The following TRDN variants were observed in gnomAD, a reference collection of about 807,000 sequenced individuals.
TRDN encodes triadin, also known as triadin in skeletal muscle.
A neutral mutation model predicts 149.7 loss-of-function variants in TRDN; 161 were observed. That is an observed-to-expected ratio of 1.08 (90% CI 0.95 to 1.23). The LOEUF is 1.23. TRDN is among the 50% of genes most tolerant of loss of function. The pLI is 0.00. For missense variants in TRDN, 896 were observed against 823.5 expected (o/e 1.09, Z -1.08); for synonymous variants, 294 against 250.5 (o/e 1.17, Z -1.64).
chr6:123,562,191 AT>A (rs1263985205), intron 2 of TRDN, among the ~76,000 whole-genome samples: 1 of 151,444 alleles, frequency 6.6e-6, no homozygotes, highest in African/African-American at 2.4e-5. Flanking sequence ...TTTGACTGTA[AT>A]TTTCCTTTAC....
Position 123,438,046 on chromosome 6 carries a change from C to T in TRDN, c.1051+17G>A. 6.3e-7 allele frequency: 1 copy of T among 1,592,624 alleles called. No individual in the cohort carries two copies. Among genetic ancestry groups the T allele is most frequent in the Non-Finnish European group, 8.6e-7 (1 of 1,167,854 alleles). On this transcript the variant is annotated intron_variant, in intron 12 of 40. Transcript: ENST00000334268. ...CCTGAACGTAATCCATCTAAGGAAA[C>T]AAAGAAAGTGCAATACCTTTTTTTT...
chr6:123,419,418 C>A (rs187271708), intron 12 of TRDN, among the ~76,000 whole-genome samples: 6 of 152,240 alleles, frequency 3.9e-5, no homozygotes, highest in South Asian at 4.1e-4. Flanking sequence ...ACTCTGGCAC[C>A]TAGGCTGGAG....
intron 1 of TRDN, among the ~76,000 whole-genome samples, chr6:123,626,236 C>T (rs764426311): frequency 5.3e-5 from 8 of 152,070 alleles, no homozygotes; most frequent in African/African-American, 9.7e-5. Context: ...AATCCCAGCA[C>T]GTTGGGAGGC....
chr6:123,534,945 T>C (rs1780449171), intron 4 of TRDN, among the ~76,000 whole-genome samples: 1 of 152,148 alleles, frequency 6.6e-6, no homozygotes, highest in South Asian at 2.1e-4. Flanking sequence ...ATATGTCCTT[T>C]GCAATTAGGT....
intron 9 of TRDN, among the ~76,000 whole-genome samples, chr6:123,478,398 A>G (rs1777597057): frequency 6.6e-6 from 1 of 152,188 alleles, no homozygotes; most frequent in Non-Finnish European, 1.5e-5. Context: ...ATAGAGTACC[A>G]ACTGGGATAT....
At chr6:123,439,858 G>A (rs1298648495) in intron 10 of TRDN, 12 of 152,122 alleles carry the variant, frequency 7.9e-5, no homozygotes, top group Admixed American at 7.9e-4. Flanking sequence ...TTTTAGATTT[G>A]GGACAATAAT....
At chr6:123,465,467 T>C (rs1776730738) in intron 9 of TRDN, among the ~76,000 whole-genome samples, 2 of 151,228 alleles carry the variant, frequency 1.3e-5, no homozygotes, top group African/African-American at 4.8e-5. Context: ...CATTTTTCCC[T>C]ACCATAATAA....
chr6:123,238,735 ATAAAG>A (rs1032852885), intron 38 of TRDN, among the ~76,000 whole-genome samples: 3 of 152,244 alleles, frequency 2.0e-5, no homozygotes, highest in East Asian at 1.9e-4. Context: ...ATGAAAGGAC[ATAAAG>A]TAAAGGTTTA....
At chr6:123,458,924 T>C (rs1776287865) in intron 10 of TRDN, among the ~76,000 whole-genome samples, 1 of 147,958 alleles carries the variant, frequency 6.8e-6, no homozygotes, top group African/African-American at 2.5e-5. Flanking sequence ...TACAGAATTT[T>C]TGGATCCTTT....
intron 21 of TRDN, chr6:123,350,952 A>G: frequency 2.0e-6 from 2 of 985,104 alleles, no homozygotes; most frequent in Non-Finnish European, 2.4e-6. Context: ...GAGACATTAT[A>G]AAATTAATGA....
At chr6:123,366,562 G>C (rs1781107664) in intron 19 of TRDN, among the ~76,000 whole-genome samples, 1 of 151,910 alleles carries the variant, frequency 6.6e-6, no homozygotes, top group African/African-American at 2.4e-5. Context: ...TTGTTGCCCA[G>C]GCTGGAATGC....
intron 9 of TRDN, chr6:123,471,003 T>C (rs1383207573): frequency 6.6e-6 from 1 of 152,042 alleles, no homozygotes; most frequent in Non-Finnish European, 1.5e-5. Context: ...GACAAAAAAA[T>C]AGCAACTAAA....
intron 11 of TRDN, among the ~76,000 whole-genome samples, chr6:123,438,733 T>C (rs936081800): frequency 1.3e-5 from 2 of 152,122 alleles, no homozygotes; most frequent in African/African-American, 4.8e-5. Flanking sequence ...CAGTAGTAAT[T>C]TTCAAAAAGT....
intron 19 of TRDN, among the ~76,000 whole-genome samples, chr6:123,367,281 G>A (rs1781142984): frequency 6.6e-6 from 1 of 152,074 alleles, no homozygotes; most frequent in East Asian, 1.9e-4. Context: ...TTGATTAGTT[G>A]AGGTTGTTCC....
At chr6:123,621,279 G>C (rs568514131) in intron 1 of TRDN, among the ~76,000 whole-genome samples, 2 of 152,092 alleles carry the variant, frequency 1.3e-5, no homozygotes, top group African/African-American at 4.8e-5. Flanking sequence ...TATCTTGTGA[G>C]ACTAGATCAA....
chr6:123,323,709 A>G (rs1779342770), intron 23 of TRDN, among the ~76,000 whole-genome samples: 1 of 152,234 alleles, frequency 6.6e-6, no homozygotes, highest in Non-Finnish European at 1.5e-5. Flanking sequence ...TTTTCAGCAC[A>G]GAATAAATGC....
intron 12 of TRDN, among the ~76,000 whole-genome samples, chr6:123,417,395 G>A (rs1390271995): frequency 3.3e-5 from 5 of 152,086 alleles, no homozygotes; most frequent in African/African-American, 9.7e-5. Context: ...GGCTTTCCGT[G>A]TTCAGTTCCA....
chr6:123,331,615 C>T (rs188989406), intron 23 of TRDN, among the ~76,000 whole-genome samples: 2 of 152,156 alleles, frequency 1.3e-5, no homozygotes, highest in African/African-American at 4.8e-5. Flanking sequence ...TCCTCCATTT[C>T]ACTACAGACC....
chr6:123,260,646 A>T lies in TRDN; in HGVS notation c.1805-8T>A. The T allele has an allele frequency of 7.6e-7, 1 of 1,320,748 alleles. No homozygotes were observed. The highest frequency in any genetic ancestry group is 1.0e-6 in the Non-Finnish European group (1 of 995,796). The allele number at this position is 1,320,748 out of a possible 1,614,324, so 81.8% of individuals were successfully genotyped here. On this transcript the variant is annotated splice_region_variant and splice_polypyrimidine_tract_variant and intron_variant, in intron 33 of 40. Coordinates refer to ENST00000334268, the MANE Select transcript of TRDN (RefSeq NM_006073.4). ...TGACTTCTGATGTTCCTTCTTTAGA[A>T]AAAAAAAAAAAAAGAATGTAGAAAG...
Sources: gnomAD v4.1 joint callset for allele counts (sites outside exome capture counted in the v4.1 genomes callset) on GRCh38, gnomAD v4.1.1 for gene constraint, MANE v1.5 for transcripts, NCBI Gene and HGNC (gene_info 2026-07-23, HGNC 2026-07-21) for gene names.